DCAKD: variants seen among roughly 807,000 people sequenced by gnomAD.
DCAKD encodes dephospho-CoA kinase domain containing, also known as dephospho-CoA kinase domain-containing protein.
A neutral mutation model predicts 18.7 loss-of-function variants in DCAKD; 15 were observed. The ratio of observed to expected loss-of-function variants is 0.80; its 90% CI spans 0.54 to 1.24. The LOEUF is 1.24. Ranked by LOEUF, DCAKD falls within the 50% of genes most tolerant of loss-of-function variation. The pLI is 0.00. For missense variants in DCAKD, 301 were observed against 322.0 expected (o/e 0.93, Z 0.50); for synonymous variants, 130 against 133.0 (o/e 0.98, Z 0.16).
intron 1 of DCAKD, among the ~76,000 whole-genome samples, chr17:45,059,458 C>T (rs1245372407): frequency 2.0e-5 from 3 of 152,024 alleles, no homozygotes; most frequent in African/African-American, 7.3e-5. Flanking sequence ...ACACTCAACC[C>T]GAATAGGAAA....
At chr17:45,031,235 TG>T (rs374869071) in intron 3 of DCAKD, 44 of 984,928 alleles carry the variant, frequency 4.5e-5, no homozygotes, top group Admixed American at 6.2e-5. Flanking sequence ...ACAATGGCGG[TG>T]GGGGGGTGGC....
Position 45,035,536 on chromosome 17 carries a change from C to CTGAA in DCAKD, c.-114-541_-114-538dup, listed in dbSNP as rs567867654. On this transcript the variant is annotated intron_variant, in intron 1 of 4. Coordinates refer to ENST00000651974, the MANE Select transcript of DCAKD (RefSeq NM_001288655.2). ...ACACTATAAATTCAGCAATCAAAAG[C>CTGAA]TGAACAGGCAGGGCAAGGTCAGGTG... Among the ~76,000 whole-genome samples the CTGAA allele has an allele frequency of 1.7e-4, 25 of 148,386 alleles. No homozygotes were observed. The South Asian group carries it at 5.4e-3, about 32-fold the overall frequency.
At chr17:45,029,731 ACCTC>A (rs2053136191) in intron 4 of DCAKD, among the ~76,000 whole-genome samples, 1 of 151,872 alleles carries the variant, frequency 6.6e-6, no homozygotes, top group African/African-American at 2.4e-5. Context: ...TGTCCTGACC[ACCTC>A]CCACTGAGAG....
chr17:45,057,247 T>A (rs1300445392), intron 1 of DCAKD, among the ~76,000 whole-genome samples: 1 of 151,868 alleles, frequency 6.6e-6, no homozygotes, highest in Non-Finnish European at 1.5e-5. Flanking sequence ...TCCTCTATGT[T>A]GCCCAGGCAG....
chr17:45,042,430 C>T (rs1443042158), intron 1 of DCAKD, among the ~76,000 whole-genome samples: 1 of 152,218 alleles, frequency 6.6e-6, no homozygotes, highest in East Asian at 1.9e-4. Context: ...CCCGCCCCTG[C>T]GTGTGCCAGG....
upstream of DCAKD, among the ~76,000 whole-genome samples, chr17:45,056,077 C>A (rs1010638821): frequency 4.6e-5 from 7 of 151,646 alleles, no homozygotes; most frequent in Middle Eastern, 3.4e-3. Flanking sequence ...ATCGCTTGAA[C>A]TCAGGAGGCA....
chr17:45,040,387 C>CAAAA (rs34624870), intron 1 of DCAKD, among the ~76,000 whole-genome samples: 3 of 80,324 alleles, frequency 3.7e-5, no homozygotes, highest in Admixed American at 1.4e-4. Context: ...GACTCCATCT[C>CAAAA]AAAAAAAAAA....
intron 1 of DCAKD, among the ~76,000 whole-genome samples, chr17:45,042,744 T>C (rs762655892): frequency 1.2e-4 from 18 of 152,246 alleles, no homozygotes; most frequent in Non-Finnish European, 2.5e-4. Flanking sequence ...GGTTGCTGTT[T>C]AAACCTTCAA....
chr17:45,050,159 G>C, intron 1 of DCAKD, among the ~76,000 whole-genome samples: 1 of 151,894 alleles, frequency 6.6e-6, no homozygotes, highest in Non-Finnish European at 1.5e-5. Context: ...TTCTGCCTCA[G>C]CCTCCCGAGT....
At chr17:45,051,717 G>A (rs1344798169), upstream of DCAKD, 7 of 99,862 alleles carry the variant, frequency 7.0e-5, no homozygotes, top group East Asian at 2.5e-3. Context: ...GGCCGGGAGA[G>A]GTTGGGTGGG....
chr17:45,056,240 C>T (rs1026139529), upstream of DCAKD, among the ~76,000 whole-genome samples: 4 of 151,704 alleles, frequency 2.6e-5, no homozygotes, highest in Admixed American at 6.6e-5. Context: ...ATGAAGAAAA[C>T]TTTTCTTTGG....
chr17:45,030,873 G>T, intron 3 of DCAKD: 1 of 610,362 alleles, frequency 1.6e-6, no homozygotes, highest in Non-Finnish European at 2.1e-6. Context: ...TTACACTCCT[G>T]CAGTGTAAAA....
At chr17:45,026,673 A>G in intron 4 of DCAKD, 1 of 985,428 alleles carries the variant, frequency 1.0e-6, no homozygotes, top group Non-Finnish European at 1.2e-6. Flanking sequence ...CCAAAAACAA[A>G]TGCAGCCACT....
Position 45,030,102 on chromosome 17 carries a change from C to A in DCAKD, c.394G>T (p.Val132Leu). Residue 132 changes from valine to leucine, a missense_variant, in exon 4 of 5, where the codon GTA (valine) becomes TTA (leucine). Coordinates refer to ENST00000651974, the MANE Select transcript of DCAKD (RefSeq NM_001288655.2). ...KLLKYMKHTV[V>L]VYCDRDTQLA... ...ATGCTACACACTCACCAGTATACTA[C>A]CACGGTGTGCTTCATGTACTTGAGC... 6.2e-7 allele frequency: 1 copy of A among 1,613,908 alleles called. No homozygotes were observed. The highest frequency in any genetic ancestry group is 1.6e-4 in the Middle Eastern group (1 of 6,062).
chr17:45,039,759 G>A (rs2053385490), intron 1 of DCAKD, among the ~76,000 whole-genome samples: 1 of 152,248 alleles, frequency 6.6e-6, no homozygotes, highest in African/African-American at 2.4e-5. Flanking sequence ...GAGGCTGAGA[G>A]TCACACTGGT....
At chr17:45,049,879 C>T (rs1186979537) in intron 1 of DCAKD, among the ~76,000 whole-genome samples, 1 of 151,500 alleles carries the variant, frequency 6.6e-6, no homozygotes, top group East Asian at 1.9e-4. Flanking sequence ...GCCACCACAC[C>T]CAGCTAATTT....
chr17:45,029,908 C>T (rs1372735563), intron 4 of DCAKD, among the ~76,000 whole-genome samples, 184 bp downstream of exon 4: 2 of 152,156 alleles, frequency 1.3e-5, no homozygotes, highest in African/African-American at 2.4e-5. Flanking sequence ...CCTTCCCACA[C>T]CTGCCCCCAG....
intron 1 of DCAKD, among the ~76,000 whole-genome samples, chr17:45,043,171 G>C (rs1303737282): frequency 1.3e-5 from 2 of 151,718 alleles, no homozygotes; most frequent in African/African-American, 4.8e-5. Context: ...TAGGATTTGC[G>C]CTTGAACCTG....
chr17:45,040,722 A>T (rs1772053271), intron 1 of DCAKD, among the ~76,000 whole-genome samples: 1 of 152,098 alleles, frequency 6.6e-6, no homozygotes, highest in African/African-American at 2.4e-5. Flanking sequence ...TGCAAAGAAA[A>T]GGGCAAGGAG....
Sources: allele counts gnomAD v4.1 joint callset (sites outside exome capture counted in the v4.1 genomes callset), GRCh38; gene constraint gnomAD v4.1.1; transcripts MANE v1.5; gene names NCBI Gene and HGNC (gene_info 2026-07-23, HGNC 2026-07-21).